BCAS3: variants seen among roughly 807,000 people sequenced by gnomAD.
BCAS3 encodes the protein BCAS4/BCAS3 fusion.
A neutral mutation model predicts 116.1 loss-of-function variants in BCAS3; 53 were observed. That is an observed-to-expected ratio of 0.46 (90% CI 0.37 to 0.57). The LOEUF is 0.57. BCAS3 is among the 20% of genes least tolerant of loss of function. The pLI is 0.00. For synonymous variants in BCAS3, 391 were observed against 408.2 expected (o/e 0.96, Z 0.51); for missense variants, 917 against 1,165.4 (o/e 0.79, Z 3.10).
chr17:60,798,190 T>G (rs1359123331), intron 6 of BCAS3, among the ~76,000 whole-genome samples: 2 of 152,238 alleles, frequency 1.3e-5, no homozygotes, highest in African/African-American at 4.8e-5. Context: ...AAGTCCCTAA[T>G]TGACATTAGG....
chr17:60,995,514 TCTCAAA>T lies in BCAS3; in HGVS notation c.1486+5283_1486+5288del, dbSNP rs1460354260. Among the ~76,000 whole-genome samples, 1 of 151,604 alleles carries T rather than the reference TCTCAAA, an allele frequency of 6.6e-6. No individual in the cohort carries two copies. Among genetic ancestry groups the T allele is most frequent in the African/African-American group, 2.4e-5 (1 of 41,242 alleles). ...GGTTTCACAATGTTGGCCAGGCTGG[TCTCAAA>T]CTCCTGACCTCAAGTGATCCACCTG... On this transcript the variant is annotated intron_variant, in intron 15 of 23. Coordinates refer to ENST00000407086, the MANE Select transcript of BCAS3 (RefSeq NM_017679.5). The surrounding 1 kb of genome is among the most constrained non-coding windows in gnomAD (Gnocchi z 4.7).
chr17:60,926,070 G>A (rs1280305614), intron 13 of BCAS3, among the ~76,000 whole-genome samples: 1 of 152,160 alleles, frequency 6.6e-6, no homozygotes, highest in Non-Finnish European at 1.5e-5. Flanking sequence ...TTCTCCAGTT[G>A]TGGCATCATG....
At position 61,256,286 on chromosome 17, in the gene BCAS3, T is replaced by C. The variant is rs1202687726; in HGVS notation, c.2426-112041T>C. ...TGTTTGTTTGTTTGTTTGTTTTTCA[T>C]TTATTTTTATTTATTTTATTTTATT... On this transcript the variant is annotated intron_variant, in intron 22 of 23. Coordinates refer to ENST00000407086, the MANE Select transcript of BCAS3 (RefSeq NM_017679.5). This position sits in a 1 kb window ranked among gnomAD's most constrained non-coding sequence, Gnocchi z 5.6. Among the ~76,000 whole-genome samples, 1 of 149,752 alleles carries C rather than the reference T, an allele frequency of 6.7e-6. No homozygotes were observed. Among genetic ancestry groups the C allele is most frequent in the Non-Finnish European group, 1.5e-5 (1 of 66,738 alleles).
In BCAS3 at chr17:60,892,646, C is replaced by G. The variant is rs551085683; in HGVS notation, c.738+2875C>G. ...TTAAGAATAGCCGTTTTCGGCCCGG[C>G]ATGGTGGCTCATGCCTATAATCCCA... On this transcript the variant is annotated intron_variant, in intron 10 of 23. Coordinates refer to ENST00000407086, the MANE Select transcript of BCAS3 (RefSeq NM_017679.5). 3.3e-3 allele frequency among the ~76,000 whole-genome samples: 507 copies of G among 151,852 alleles called. 1 individual carries two copies. Among genetic ancestry groups the G allele is most frequent in the African/African-American group, 0.012 (486 of 41,494 alleles).
intron 7 of BCAS3, among the ~76,000 whole-genome samples, chr17:60,832,528 A>G (rs2051031653): frequency 6.6e-6 from 1 of 152,214 alleles, no homozygotes; most frequent in African/African-American, 2.4e-5. Flanking sequence ...CCCCTAAGAA[A>G]TAACTGTTAT....
rs1234153304 is a variant in BCAS3, at chr17:61,106,774, CATTT to C, written c.2425+22215_2425+22218del. ...ATAGATATTTTAATGGTGGCTGGAT[CATTT>C]ATTTGTCTGATTTTCTATCATTAAA... is the stretch of plus-strand genomic sequence containing the variant. On this transcript the variant is annotated intron_variant, in intron 22 of 23. Coordinates refer to ENST00000407086, the MANE Select transcript of BCAS3 (RefSeq NM_017679.5). The surrounding 1 kb of genome is among the most constrained non-coding windows in gnomAD (Gnocchi z 4.2). Among the ~76,000 whole-genome samples the C allele has an allele frequency of 2.0e-5, 3 of 152,220 alleles. No homozygotes were observed. The highest frequency in any genetic ancestry group is 3.9e-4 in the East Asian group (2 of 5,186).
rs2051810632 is a variant in BCAS3, at chr17:61,286,568, AG to A, written c.2426-81756del. ...CGACCAAAAAGTAACATGTCAGAAT[AG>A]GGATTTTCACACCAGCAGAGAGTGC... On this transcript the variant is annotated intron_variant, in intron 22 of 23. Coordinates refer to ENST00000407086, the MANE Select transcript of BCAS3 (RefSeq NM_017679.5). The surrounding 1 kb of genome is among the most constrained non-coding windows in gnomAD (Gnocchi z 4.8). Among the ~76,000 whole-genome samples, 1 of 152,180 alleles carries A rather than the reference AG, an allele frequency of 6.6e-6. No individual in the cohort carries two copies. The highest frequency in any genetic ancestry group is 1.5e-5 in the Non-Finnish European group (1 of 68,034).
At chr17:60,779,157 C>T (rs995005096) in intron 6 of BCAS3, among the ~76,000 whole-genome samples, 2 of 152,102 alleles carry the variant, frequency 1.3e-5, no homozygotes, top group African/African-American at 4.8e-5. Context: ...TGAGCTTACT[C>T]TAGCTCTGGA....
At chr17:60,796,748 C>G (rs2144567201) in intron 6 of BCAS3, among the ~76,000 whole-genome samples, 1 of 151,898 alleles carries the variant, frequency 6.6e-6, no homozygotes, top group East Asian at 1.9e-4. Context: ...CTTTCTTCTG[C>G]TGGGTTTGGG....
At chr17:61,153,169 G>T (rs2077632820) in intron 22 of BCAS3, among the ~76,000 whole-genome samples, 1 of 152,150 alleles carries the variant, frequency 6.6e-6, no homozygotes, top group Non-Finnish European at 1.5e-5. Flanking sequence ...TCTTCTGGTG[G>T]TAATCTCACC....
intron 14 of BCAS3, among the ~76,000 whole-genome samples, chr17:60,955,386 ATTT>A (rs1016334366): frequency 1.6e-5 from 2 of 128,066 alleles, no homozygotes; most frequent in African/African-American, 3.5e-5. Context: ...GGGAAACTGA[ATTT>A]TTTTTTTTTT....
chr17:61,010,422 C>G (rs1035902835), intron 15 of BCAS3, among the ~76,000 whole-genome samples: 1 of 151,558 alleles, frequency 6.6e-6, no homozygotes, highest in Admixed American at 6.6e-5. Flanking sequence ...AGTACACGTA[C>G]CTGTAGATAT....
intron 19 of BCAS3, among the ~76,000 whole-genome samples, chr17:61,044,321 C>T (rs2067809087): frequency 6.6e-6 from 1 of 151,370 alleles, no homozygotes; most frequent in South Asian, 2.1e-4. Context: ...GTGGCGGGCG[C>T]CTGTAGTCCC....
At chr17:61,329,272 A>T (rs914131878) in intron 22 of BCAS3, among the ~76,000 whole-genome samples, 1 of 151,994 alleles carries the variant, frequency 6.6e-6, no homozygotes, top group Non-Finnish European at 1.5e-5. Context: ...ATACCAAAAC[A>T]TCAGGGGTTA....
At chr17:60,754,862 A>AAAGT (rs2042853581) in intron 6 of BCAS3, among the ~76,000 whole-genome samples, 1 of 151,640 alleles carries the variant, frequency 6.6e-6, no homozygotes, top group Non-Finnish European at 1.5e-5. Context: ...TTAAATGGCT[A>AAAGT]AACTATGAGA....
At chr17:61,305,535 A>G (rs2053782027) in intron 22 of BCAS3, among the ~76,000 whole-genome samples, 1 of 152,210 alleles carries the variant, frequency 6.6e-6, no homozygotes, top group Admixed American at 6.5e-5. Flanking sequence ...GAATTGTGGT[A>G]AGGATTAAAT....
At chr17:60,735,799 A>G (rs764085334) in intron 5 of BCAS3, among the ~76,000 whole-genome samples, 3 of 152,118 alleles carry the variant, frequency 2.0e-5, no homozygotes, top group Admixed American at 6.6e-5. Context: ...GTTCCCTTCT[A>G]TTCCTAGTTT....
At chr17:61,010,827 TAGTGGA>T (rs770551742) in intron 15 of BCAS3, among the ~76,000 whole-genome samples, 9 of 152,040 alleles carry the variant, frequency 5.9e-5, no homozygotes, top group Non-Finnish European at 1.3e-4. Context: ...ATCAAAGCTC[TAGTGGA>T]TTTGGATAAA....
Position 60,989,965 on chromosome 17 carries a change from T to G in BCAS3, c.1222-6T>G. The G allele has an allele frequency of 6.2e-7, 1 of 1,609,364 alleles. No individual in the cohort carries two copies. The highest frequency in any genetic ancestry group is 8.5e-7 in the Non-Finnish European group (1 of 1,176,246). On this transcript the variant is annotated splice_polypyrimidine_tract_variant and splice_region_variant and intron_variant, in intron 14 of 23. Coordinates refer to ENST00000407086, the MANE Select transcript of BCAS3 (RefSeq NM_017679.5). ...ATTTTTGTATCTTTTCTTATCTCAT[T>G]TCTAGGTACAGGACATCTGCTTCAG...
Sources: gnomAD v4.1 joint callset for allele counts (sites outside exome capture counted in the v4.1 genomes callset) on GRCh38, gnomAD v4.1.1 for gene constraint, Gnocchi (gnomAD v3.1) non-coding constraint, MANE v1.5 for transcripts, NCBI Gene and HGNC (gene_info 2026-07-23, HGNC 2026-07-21) for gene names.